Variants in PLEKHM2 observed in about 807,000 individuals in gnomAD.
PLEKHM2 encodes the protein pleckstrin homology domain-containing family M member 2.
A neutral mutation model predicts 116.3 loss-of-function variants in PLEKHM2; 77 were observed. The ratio of observed to expected loss-of-function variants is 0.66; its 90% CI spans 0.55 to 0.80. The LOEUF (loss-of-function observed/expected upper bound fraction) is 0.80, where lower values mean the gene tolerates loss of function less well. PLEKHM2 is among the 30% of genes least tolerant of loss of function. PLEKHM2 has a pLI of 0.00. For synonymous variants in PLEKHM2, 562 were observed against 571.0 expected, an observed-to-expected ratio of 0.98 and a Z score of 0.22; for missense variants, 1,183 against 1,354.9, an observed-to-expected ratio of 0.87 and a Z score of 1.99.
At chr1:15,684,726 C>T (rs1472356352) in intron 1 of PLEKHM2, 108 bp downstream of exon 1, 1 of 499,134 alleles carries the variant, frequency 2.0e-6, no homozygotes, top group Non-Finnish European at 2.9e-6. Context: ...CTCCGCGACC[C>T]GGGGGGCGAC....
Position 15,718,542 on chromosome 1 carries a change from G to T in PLEKHM2, c.382G>T (p.Ala128Ser). 1 of 1,566,044 alleles carries T rather than the reference G, an allele frequency of 6.4e-7. No homozygotes were observed. Residue 128 changes from alanine (A) to serine (S), a missense_variant, in exon 5 of 20, where the codon GCC becomes TCC. Transcript: ENST00000375799. ...GTGGCTTCTCATGTCTTGCAGGAAT[G>T]CCCTGGTCTGCAGCCACGATCACCT... Reference protein sequence around the residue: ...GLLHKYYVKNALVCSHDHLTL... With the variant: ...GLLHKYYVKNSLVCSHDHLTL...
At chr1:15,691,214 C>T (rs1275748153) in intron 1 of PLEKHM2, among the ~76,000 whole-genome samples, 1 of 152,116 alleles carries the variant, frequency 6.6e-6, no homozygotes, top group Non-Finnish European at 1.5e-5. Flanking sequence ...GAACTACAGA[C>T]ATATGCCACC....
intron 1 of PLEKHM2, among the ~76,000 whole-genome samples, chr1:15,691,557 C>T (rs1159027022): frequency 1.8e-4 from 28 of 152,176 alleles, no homozygotes; most frequent in Admixed American, 1.8e-3. Flanking sequence ...CCACCCACTT[C>T]GGTTTGGGCA....
At chr1:15,722,309 A>C (rs531882529) in intron 7 of PLEKHM2, among the ~76,000 whole-genome samples, 4 of 152,170 alleles carry the variant, frequency 2.6e-5, no homozygotes, top group African/African-American at 7.2e-5. Flanking sequence ...ACGCCCGGCT[A>C]ATTTTTGTAT....
chr1:15,713,325 T>TG (rs1338849810), intron 1 of PLEKHM2, among the ~76,000 whole-genome samples: 3 of 152,062 alleles, frequency 2.0e-5, no homozygotes, highest in Non-Finnish European at 4.4e-5. Context: ...GGAAAAGAGT[T>TG]GGGGGGATAC....
intron 8 of PLEKHM2, chr1:15,725,896 A>T: frequency 3.3e-6 from 1 of 305,888 alleles, no homozygotes; most frequent in Non-Finnish European, 6.2e-6. Flanking sequence ...GGGAGTGGAG[A>T]GAGAGCTCTC....
rs990723450 is a variant in PLEKHM2 at position 15,727,228 on chromosome 1, A to AGCGAGC, written c.1159_1164dup (p.Glu387_Arg388dup). 1 of 1,605,206 alleles carries AGCGAGC rather than the reference A, an allele frequency of 6.2e-7. No individual in the cohort carries two copies. Among genetic ancestry groups the AGCGAGC allele is most frequent in the African/African-American group, 1.3e-5 (1 of 74,762 alleles). The stretch of plus-strand genomic sequence containing the variant: ...GGGGCCGAGCAGCACCACGGAGAGC[A>AGCGAGC]GCGAGCGCTCCGAGCCGGGCCTGCT... On this transcript the variant is annotated inframe_insertion, in exon 9 of 20. Transcript: ENST00000375799. This position sits in a 1 kb window ranked among gnomAD's most constrained non-coding sequence, Gnocchi z 7.5.
rs1460819602 is a variant in PLEKHM2 at position 15,725,534 on chromosome 1, C to T, written c.930C>T (p.Leu310=). The stretch of plus-strand genomic sequence containing the variant: ...ACCCGCCGGATGCCTGCACGGAGCT[C>T]GAGGTCATCAGGTCAGCAGGGAGGG... ...ALDPPDACTE[L]EVIRVTKKKK... The change falls in exon 8 of 20, where the codon CTC becomes CTT. Residue 310 remains leucine (L), a synonymous_variant. Transcript: ENST00000375799. 8.3e-6 allele frequency: 13 copies of T among 1,563,976 alleles called. No homozygotes were observed. Among genetic ancestry groups the T allele is most frequent in the East Asian group, 4.8e-5 (2 of 41,716 alleles).
intron 1 of PLEKHM2, among the ~76,000 whole-genome samples, chr1:15,696,075 A>G (rs955629244): frequency 1.3e-5 from 2 of 151,870 alleles, no homozygotes; most frequent in African/African-American, 4.8e-5. Flanking sequence ...TGGCTTCCCA[A>G]AGTGCTGGGA....
intron 1 of PLEKHM2, among the ~76,000 whole-genome samples, chr1:15,687,606 A>T (rs1482415888): frequency 2.6e-5 from 4 of 152,186 alleles, no homozygotes; most frequent in African/African-American, 9.7e-5. Flanking sequence ...TCGTTCTACA[A>T]CACCATTTGT....
rs1453998089 is a variant in PLEKHM2, at chr1:15,719,880, C to T, written c.612C>T (p.Asn204=). 1 of 1,613,760 alleles carries T rather than the reference C, an allele frequency of 6.2e-7. No individual in the cohort carries two copies. The highest frequency in any genetic ancestry group is 8.5e-7 in the Non-Finnish European group (1 of 1,179,774). ...LNSFNSVTST[N]LEWDDSAIAP... The stretch of plus-strand genomic sequence containing the variant: ...CTTTCAACTCCGTCACCTCCACCAA[C>T]CTGGAGTGGGATGACAGTGCGATTG... The change falls in exon 6 of 20, where the codon AAC becomes AAT. Residue 204 remains asparagine (N), a synonymous_variant. Coordinates refer to ENST00000375799, the MANE Select transcript of PLEKHM2 (RefSeq NM_015164.4). The surrounding 1 kb of genome is among the most constrained non-coding windows in gnomAD (Gnocchi z 4.1).
At chr1:15,709,062 A>G (rs1008011377) in intron 1 of PLEKHM2, among the ~76,000 whole-genome samples, 2 of 152,184 alleles carry the variant, frequency 1.3e-5, no homozygotes, top group African/African-American at 4.8e-5. Flanking sequence ...CACACAGTGA[A>G]TGAGTAGCAG....
chr1:15,703,689 G>A (rs1472759918), intron 1 of PLEKHM2, among the ~76,000 whole-genome samples: 3 of 152,180 alleles, frequency 2.0e-5, no homozygotes, highest in Non-Finnish European at 2.9e-5. Context: ...AGAGAAGGCC[G>A]GGCTGTGGCA....
chr1:15,714,504 C>A (rs1014789436), intron 1 of PLEKHM2, among the ~76,000 whole-genome samples: 1 of 152,114 alleles, frequency 6.6e-6, no homozygotes, highest in Non-Finnish European at 1.5e-5. Flanking sequence ...TTCTGGTGCT[C>A]TGATTTGCCT....
chr1:15,734,221 CGCCT>C lies in PLEKHM2; in HGVS notation c.*288_*291del, dbSNP rs2068191760. On this transcript the variant is annotated 3_prime_UTR_variant, in exon 20 of 20. Transcript: ENST00000375799. ...GATGCACGCCCTCCTCCCGGGCCTCCGCCTCAGTCTGCAGAATTTCTGCCGAGTG... is the reference window on the plus strand; with the variant it reads ...GATGCACGCCCTCCTCCCGGGCCTCCCAGTCTGCAGAATTTCTGCCGAGTG... 1 of 404,516 alleles carries C rather than the reference CGCCT, an allele frequency of 2.5e-6. No homozygotes were observed. Among genetic ancestry groups the C allele is most frequent in the Non-Finnish European group, 4.4e-6 (1 of 225,950 alleles). 25.1% of individuals were successfully genotyped at this position (404,516 alleles called of 1,614,324 possible). A position where few individuals can be genotyped will look rare whatever the true frequency, so the allele number is the denominator to read the frequency against.
At chr1:15,726,647 G>C (rs913758133) in intron 8 of PLEKHM2, among the ~76,000 whole-genome samples, 4 of 152,328 alleles carry the variant, frequency 2.6e-5, no homozygotes, top group Non-Finnish European at 4.4e-5. Context: ...ACATCCGAAG[G>C]GGGGCTGAGT....
rs375305268 is a variant in PLEKHM2, at chr1:15,733,784, C to T, written c.2923-13C>T. 1.9e-5 allele frequency: 31 copies of T among 1,611,388 alleles called. No individual in the cohort carries two copies. In the East Asian group the frequency reaches 3.1e-4, roughly 16 times the overall value. On this transcript the variant is annotated splice_polypyrimidine_tract_variant and intron_variant, in intron 19 of 19. Coordinates refer to ENST00000375799, the MANE Select transcript of PLEKHM2 (RefSeq NM_015164.4). ...CAGTGGCCCTCATCTGTTCTCTGCA[C>T]GCCCCAACACAGGTGGACCTCCCCC...
In PLEKHM2 at chr1:15,718,592, C is replaced by T. The variant is rs201860640; in HGVS notation, c.432C>T (p.Ser144=). The T allele has an allele frequency of 2.5e-3, 3,482 of 1,394,892 alleles. 9 individuals carry two copies. The highest frequency in any genetic ancestry group is 3.0e-3 in the Non-Finnish European group (3,168 of 1,047,122). The allele number at this position is 1,394,892 out of a possible 1,614,324, so 86.4% of individuals were successfully genotyped here. A position where few individuals can be genotyped will look rare whatever the true frequency, so the allele number is the denominator to read the frequency against. Residue 144 remains serine (S), a synonymous_variant, in exon 5 of 20, where the codon TCC becomes TCT. Coordinates refer to ENST00000375799, the MANE Select transcript of PLEKHM2 (RefSeq NM_015164.4). ...DHLTLFLTLV[S]GLEFIRFELD... ...TGACGCTCTTCCTGACCTTGGTGTCCGGGCTAGAGTTCATTCGTTTCGAGC... is the reference window on the plus strand; with the variant it reads ...TGACGCTCTTCCTGACCTTGGTGTCTGGGCTAGAGTTCATTCGTTTCGAGC...
chr1:15,702,702 G>A (rs1028030310), intron 1 of PLEKHM2, among the ~76,000 whole-genome samples: 4 of 145,456 alleles, frequency 2.7e-5, no homozygotes, highest in East Asian at 2.0e-4. Flanking sequence ...ACAGGCATAA[G>A]CCACCGTGCC....
Sources: allele counts gnomAD v4.1 joint callset (sites outside exome capture counted in the v4.1 genomes callset), GRCh38; gene constraint gnomAD v4.1.1; non-coding constraint Gnocchi (gnomAD v3.1); transcripts MANE v1.5; gene names NCBI Gene and HGNC (gene_info 2026-07-23, HGNC 2026-07-21).